MFAP1: variants seen among roughly 807,000 people sequenced by gnomAD.
MFAP1 encodes microfibril associated protein 1.
MFAP1 carries 18 observed loss-of-function variants against 62.2 expected under a neutral mutation model. That is an observed-to-expected ratio of 0.29 (90% CI 0.20 to 0.43). MFAP1 has a LOEUF of 0.43. Among genes scored for constraint, MFAP1 ranks in the 20% least tolerant of loss-of-function variants. The pLI, the probability that MFAP1 is intolerant of heterozygous loss-of-function variation, is 1.00. For missense variants in MFAP1, 355 were observed against 559.7 expected (o/e 0.63, Z 3.69); for synonymous variants, 175 against 180.4 (o/e 0.97, Z 0.24).
At chr15:43,821,371 C>A (rs1327574061) in intron 1 of MFAP1, among the ~76,000 whole-genome samples, 1 of 150,136 alleles carries the variant, frequency 6.7e-6, no homozygotes, top group African/African-American at 2.5e-5. Context: ...TGTCTCCAGG[C>A]TTATTCCAAA....
At position 43,816,531 on chromosome 15, in the gene MFAP1, C is replaced by G. The variant is rs1480604334; in HGVS notation, c.299+698G>C. 4.6e-5 allele frequency among the ~76,000 whole-genome samples: 7 copies of G among 152,310 alleles called. 1 individual carries two copies. The highest frequency in any genetic ancestry group is 4.6e-4 in the Admixed American group (7 of 15,286). ...AAGTGCTAGGATTACAGGCGTGAGC[C>G]ACCGCACCTGGCCATGGGCACTGTT... is the stretch of plus-strand genomic sequence containing the variant. On this transcript the variant is annotated intron_variant, in intron 2 of 8. Transcript: ENST00000267812.
chr15:43,814,438 T>G (rs1234126850), intron 4 of MFAP1, 63 bp downstream of exon 4: 2 of 1,504,210 alleles, frequency 1.3e-6, no homozygotes, highest in Admixed American at 2.2e-5. Flanking sequence ...AAAACAGACT[T>G]TTGTCTCCAG....
chr15:43,823,845 G>A (rs1462640487), intron 1 of MFAP1, among the ~76,000 whole-genome samples: 1 of 152,104 alleles, frequency 6.6e-6, no homozygotes, highest in South Asian at 2.1e-4. Flanking sequence ...TAGATACGGC[G>A]GCATCTACTC....
At position 43,813,055 on chromosome 15, in the gene MFAP1, CTCA is replaced by C; in HGVS notation, c.816_818del (p.Asp272del). 6.2e-7 allele frequency: 1 copy of C among 1,614,188 alleles called. No homozygotes were observed. Among genetic ancestry groups the C allele is most frequent in the Non-Finnish European group, 8.5e-7 (1 of 1,180,044 alleles). On this transcript the variant is annotated inframe_deletion, in exon 6 of 9. Transcript: ENST00000267812. ...GAACTTTCCATGCCTCATATTCCTC[CTCA>C]TCATTTTCATCATCAGTATTGAGTG...
In MFAP1 at chr15:43,805,042, G is replaced by C; in HGVS notation, c.*52C>G. On this transcript the variant is annotated 3_prime_UTR_variant, in exon 9 of 9. Transcript: ENST00000267812. ...AATGAAAAAACCAAATCAAGGACCA[G>C]ATGCTGAGACTCCCCTTGTGTTCCA... 1 of 1,506,310 alleles carries C rather than the reference G, an allele frequency of 6.6e-7. No individual in the cohort carries two copies. The highest frequency in any genetic ancestry group is 8.9e-7 in the Non-Finnish European group (1 of 1,119,510). 93.3% of individuals were successfully genotyped at this position (1,506,310 alleles called of 1,614,324 possible). A position where few individuals can be genotyped will look rare whatever the true frequency, so the allele number is the denominator to read the frequency against.
chr15:43,818,164 C>T (rs1233192010), intron 1 of MFAP1, among the ~76,000 whole-genome samples: 2 of 151,946 alleles, frequency 1.3e-5, no homozygotes, highest in Non-Finnish European at 2.9e-5. Flanking sequence ...GGACTACAGA[C>T]GCATGCCACC....
At chr15:43,815,240 T>C (rs1169227259) in intron 2 of MFAP1, among the ~76,000 whole-genome samples, 166 bp from the exon 3 acceptor site, 1 of 151,840 alleles carries the variant, frequency 6.6e-6, no homozygotes, top group Admixed American at 6.6e-5. Flanking sequence ...AGTGCAGTGG[T>C]GCGATCTTGG....
At chr15:43,817,648 A>G (rs1434018265) in intron 1 of MFAP1, among the ~76,000 whole-genome samples, 200 bp from the exon 2 acceptor site, 1 of 152,208 alleles carries the variant, frequency 6.6e-6, no homozygotes, top group Non-Finnish European at 1.5e-5. Flanking sequence ...TCCTTGTGAA[A>G]GCCAACACTG....
chr15:43,809,323 A>T (rs892127522), intron 7 of MFAP1, among the ~76,000 whole-genome samples: 57 of 148,682 alleles, frequency 3.8e-4, no homozygotes, highest in African/African-American at 1.2e-3. Flanking sequence ...ACGAAAAATT[A>T]AAAAAAAAAT....
intron 7 of MFAP1, among the ~76,000 whole-genome samples, chr15:43,806,616 C>T (rs537734614): frequency 1.4e-4 from 21 of 152,094 alleles, no homozygotes; most frequent in East Asian, 1.2e-3. Context: ...GGCTCACGCC[C>T]GTAATCCCAG....
intron 1 of MFAP1, among the ~76,000 whole-genome samples, chr15:43,821,678 T>A (rs1028653107): frequency 9.9e-5 from 15 of 152,168 alleles, no homozygotes; most frequent in African/African-American, 3.4e-4. Flanking sequence ...AAATTCCAGA[T>A]GGATTAAAGA....
intron 1 of MFAP1, 110 bp from the exon 2 acceptor site, chr15:43,817,558 C>CAGAAGAAGA: frequency 9.2e-7 from 1 of 1,087,908 alleles, no homozygotes; most frequent in Non-Finnish European, 1.3e-6. Context: ...AGAGTCTAAG[C>CAGAAGAAGA]AGAAGAAGAA....
chr15:43,817,027 G>A (rs1045725895), intron 2 of MFAP1, among the ~76,000 whole-genome samples: 1 of 152,196 alleles, frequency 6.6e-6, no homozygotes. Flanking sequence ...CTTTGGTCAT[G>A]TAACTTTCTT....
At chr15:43,817,048 T>G (rs2087438045) in intron 2 of MFAP1, among the ~76,000 whole-genome samples, 181 bp downstream of exon 2, 1 of 152,210 alleles carries the variant, frequency 6.6e-6, no homozygotes, top group Admixed American at 6.6e-5. Flanking sequence ...AGCCCCTTTG[T>G]GCTCTTAGTT....
At chr15:43,810,998 G>A (rs573826056) in intron 6 of MFAP1, among the ~76,000 whole-genome samples, 58 of 151,406 alleles carry the variant, frequency 3.8e-4, no homozygotes, top group African/African-American at 1.3e-3. Flanking sequence ...CTTGTGAGCC[G>A]CCCACCTCGG....
intron 6 of MFAP1, among the ~76,000 whole-genome samples, chr15:43,811,157 G>A (rs187194800): frequency 0.017 from 2,580 of 149,600 alleles, 79 homozygotes; most frequent in African/African-American, 0.06. Context: ...GCTCATGCCT[G>A]TAATCCCAGC....
chr15:43,816,775 CTCTT>C (rs1246138268), intron 2 of MFAP1, among the ~76,000 whole-genome samples: 2 of 152,204 alleles, frequency 1.3e-5, no homozygotes, highest in Non-Finnish European at 2.9e-5. Flanking sequence ...CTGGGAGGCT[CTCTT>C]TCTACCATGA....
chr15:43,820,180 T>C (rs2087458898), intron 1 of MFAP1, among the ~76,000 whole-genome samples: 1 of 151,964 alleles, frequency 6.6e-6, no homozygotes. Flanking sequence ...TAGCCGGGTG[T>C]GGTGGCACGC....
chr15:43,814,450 C>T (rs764519163), intron 4 of MFAP1, 51 bp downstream of exon 4: 2 of 1,536,292 alleles, frequency 1.3e-6, no homozygotes, highest in Non-Finnish European at 1.8e-6. Flanking sequence ...TGTCTCCAGG[C>T]CTGGAAAGTG....
Sources: gnomAD v4.1 joint callset for allele counts (sites outside exome capture counted in the v4.1 genomes callset) on GRCh38, gnomAD v4.1.1 for gene constraint, MANE v1.5 for transcripts, NCBI Gene and HGNC (gene_info 2026-07-23, HGNC 2026-07-21) for gene names.